The following STKLD1 variants were observed in gnomAD, a reference collection of about 807,000 sequenced individuals.
STKLD1 encodes serine/threonine kinase like domain containing 1.
STKLD1 carries 79 observed loss-of-function variants against 80.4 expected under a neutral mutation model. The ratio of observed to expected loss-of-function variants is 0.98; its 90% CI spans 0.82 to 1.19. The LOEUF (loss-of-function observed/expected upper bound fraction) is 1.19, where lower values mean the gene tolerates loss of function less well. STKLD1 is among the 50% of genes most tolerant of loss of function. The probability of loss-of-function intolerance (pLI) is 0.00; values close to 1 mark genes in which losing one functional copy is unlikely to be tolerated. For missense variants in STKLD1, 841 were observed against 856.0 expected (o/e 0.98, Z 0.22); for synonymous variants, 393 against 357.6 (o/e 1.10, Z -1.12).
rs2130249494 is a variant in STKLD1, at chr9:133,376,565, C to G, written c.87+5C>G. On this transcript the variant is annotated splice_donor_5th_base_variant and intron_variant, in intron 1 of 17. Transcript: ENST00000371957. Reference sequence around the variant, plus strand: ...GAGCCCATGGAGAAGTACCAGGTGCCGAGTGTTCCCTGCGGGGAGGCGGGA... The same window carrying G: ...GAGCCCATGGAGAAGTACCAGGTGCGGAGTGTTCCCTGCGGGGAGGCGGGA... The G allele has an allele frequency of 2.4e-4, 380 of 1,589,484 alleles. 2 individuals carry two copies. The African/African-American group carries it at 3.2e-3, about 13-fold the overall frequency.
In STKLD1 at chr9:133,395,695, T is replaced by C. The variant is rs1838541735; in HGVS notation, c.798T>C (p.Asp266=). The C allele has an allele frequency of 1.2e-6, 2 of 1,613,516 alleles. No homozygotes were observed. Among genetic ancestry groups the C allele is most frequent in the East Asian group, 4.5e-5 (2 of 44,892 alleles). The part of the protein sequence containing the change: ...LKTMEEKQIP[D]VETFRNLLPL... ...CAATGGAGGAGAAGCAGATCCCGGA[T>C]GTGGAAACCTTCAGGAATCTTCTGC... The change falls in exon 9 of 18, where the codon GAT becomes GAC. Residue 266 remains aspartate (D), a synonymous_variant. Coordinates refer to ENST00000371957, the MANE Select transcript of STKLD1 (RefSeq NM_153710.5).
At position 133,404,868 on chromosome 9, in the gene STKLD1, C is replaced by A. The variant is rs2130694127; in HGVS notation, c.1812C>A (p.His604Gln). The A allele has an allele frequency of 6.2e-7, 1 of 1,613,284 alleles. No individual in the cohort carries two copies. The highest frequency in any genetic ancestry group is 2.2e-5 in the East Asian group (1 of 44,858). ...LSLIKETYQL[H>Q]RDDPEVVENV... ...TCATCAAGGAGACCTACCAGCTCCA[C>A]AGGGACGACCCGGAGGTGGTGGAGA... Residue 604 changes from histidine (H) to glutamine (Q), a missense_variant, in exon 17 of 18, where the codon CAC (histidine) becomes CAA (glutamine). Physicochemically the swap from His to Gln is conservative, Grantham distance 24. Coordinates refer to ENST00000371957, the MANE Select transcript of STKLD1 (RefSeq NM_153710.5).
At position 133,403,792 on chromosome 9, in the gene STKLD1, G is replaced by A. The variant is rs1554778159; in HGVS notation, c.1567G>A (p.Ala523Thr). The A allele has an allele frequency of 1.2e-6, 2 of 1,613,666 alleles. No homozygotes were observed. Among genetic ancestry groups the A allele is most frequent in the Non-Finnish European group, 1.7e-6 (2 of 1,179,956 alleles). The change falls in exon 15 of 18, where the codon GCC (alanine) becomes ACC (threonine). Residue 523 changes from alanine to threonine, a missense_variant. Transcript: ENST00000371957. The stretch of plus-strand genomic sequence containing the variant: ...CCCTGCGGATGGGGAAATGGCAGAA[G>A]CCAGCTGCGGAGTCTTCTGGCTGCT... ...TYPADGEMAE[A>T]SCGVFWLLSL...
intron 13 of STKLD1, among the ~76,000 whole-genome samples, chr9:133,402,545 G>A (rs1838734765): frequency 6.6e-6 from 1 of 152,260 alleles, no homozygotes; most frequent in Non-Finnish European, 1.5e-5. Context: ...TACCGGGATA[G>A]GGCCCCGTCA....
chr9:133,392,323 T>G (rs1838419160), intron 7 of STKLD1, among the ~76,000 whole-genome samples: 1 of 151,964 alleles, frequency 6.6e-6, no homozygotes, highest in South Asian at 2.1e-4. Context: ...CACCTTGGCC[T>G]CCCAAAGTGC....
At chr9:133,386,931 G>T (rs183194829) in intron 4 of STKLD1, among the ~76,000 whole-genome samples, 1 of 152,338 alleles carries the variant, frequency 6.6e-6, no homozygotes, top group East Asian at 1.9e-4. Flanking sequence ...TTGGGGAGGG[G>T]ACCTCACTGC....
intron 16 of STKLD1, 105 bp from the exon 17 acceptor site, chr9:133,404,684 T>C: frequency 1.3e-6 from 2 of 1,485,696 alleles, no homozygotes; most frequent in Middle Eastern, 2.3e-4. Flanking sequence ...TCTTGTCCTG[T>C]CCCAGGCCCC....
chr9:133,392,331 T>C (rs1838419284), intron 7 of STKLD1, among the ~76,000 whole-genome samples: 2 of 151,962 alleles, frequency 1.3e-5, no homozygotes, highest in South Asian at 4.1e-4. Flanking sequence ...CCTCCCAAAG[T>C]GCTGGGATTA....
At chr9:133,392,213 A>G (rs1838416026) in intron 7 of STKLD1, among the ~76,000 whole-genome samples, 1 of 151,578 alleles carries the variant, frequency 6.6e-6, no homozygotes, top group South Asian at 2.1e-4. Flanking sequence ...AGTAGCTGGG[A>G]CTACAGGCGC....
At position 133,399,252 on chromosome 9, in the gene STKLD1, A is replaced by AT. The variant is rs587594872; in HGVS notation, c.1082-1161_1082-1160insT. The stretch of plus-strand genomic sequence containing the variant: ...ATTACCTTCACATATCCATCCATCC[A>AT]CCCATCCACCCATCCATCCGTCTGT... On this transcript the variant is annotated intron_variant, in intron 11 of 17. Transcript: ENST00000371957. 3.4e-3 allele frequency among the ~76,000 whole-genome samples: 524 copies of AT among 152,036 alleles called. 1 individual carries two copies. Among genetic ancestry groups the AT allele is most frequent in the Non-Finnish European group, 5.0e-3 (343 of 67,968 alleles).
chr9:133,379,220 G>A (rs1040481508), intron 2 of STKLD1, 98 bp downstream of exon 2: 29 of 1,040,348 alleles, frequency 2.8e-5, no homozygotes, highest in Middle Eastern at 3.0e-4. Flanking sequence ...TTCCTGATGC[G>A]GCAGCTGGAT....
rs965784980 is a variant in STKLD1 at position 133,398,024 on chromosome 9, G to A, written c.1050G>A (p.Lys350=). The part of the protein sequence containing the change: ...GWPEVQLRAM[K]RLLKMPADQL... ...CCGAAGTCCAGCTCAGGGCCATGAA[G>A]AGGCTTCTGAAAATGCCTGCAGATC... Residue 350 remains lysine (K), a synonymous_variant, in exon 11 of 18, where the codon AAG becomes AAA. Coordinates refer to ENST00000371957, the MANE Select transcript of STKLD1 (RefSeq NM_153710.5). The A allele has an allele frequency of 6.2e-7, 1 of 1,613,700 alleles. No individual in the cohort carries two copies. The highest frequency in any genetic ancestry group is 1.3e-5 in the African/African-American group (1 of 75,044).
rs2130282852 is a variant in STKLD1 at position 133,388,778 on chromosome 9, T to A, written c.397-748T>A. ...TGCTACCTGCTTTTACCCTGAGAAC[T>A]GTGTTTGGGGGGACCATGTACCCCT... On this transcript the variant is annotated intron_variant, in intron 5 of 17. Transcript: ENST00000371957. 15 of 985,420 alleles carry A rather than the reference T, an allele frequency of 1.5e-5. No individual in the cohort carries two copies. In the African/African-American group the frequency reaches 2.6e-4, roughly 17 times the overall value. The allele number at this position is 985,420 out of a possible 1,614,324, so 61.0% of individuals were successfully genotyped here. A position where few individuals can be genotyped will look rare whatever the true frequency, so the allele number is the denominator to read the frequency against.
rs1393569410 is a variant in STKLD1 at position 133,389,471 on chromosome 9, CT to C, written c.397-54del. The C allele has an allele frequency of 6.3e-7, 1 of 1,598,044 alleles. No homozygotes were observed. The highest frequency in any genetic ancestry group is 8.5e-7 in the Non-Finnish European group (1 of 1,172,768). On this transcript the variant is annotated intron_variant, in intron 5 of 17. Transcript: ENST00000371957. The surrounding 1 kb of genome is among the most constrained non-coding windows in gnomAD (Gnocchi z 6.4). The stretch of plus-strand genomic sequence containing the variant: ...GCTGGCTGCTCTGAGTGTCACCCCC[CT>C]GAAAGCAGCACAGGGTGCCCCTCCC...
chr9:133,376,687 C>G (rs1461860884), intron 1 of STKLD1, 127 bp downstream of exon 1: 2 of 793,796 alleles, frequency 2.5e-6, no homozygotes, highest in Non-Finnish European at 3.9e-6. Flanking sequence ...CGGCCTGCAG[C>G]TCCTAGGTTG....
intron 8 of STKLD1, among the ~76,000 whole-genome samples, 183 bp from the exon 9 acceptor site, chr9:133,395,417 A>G (rs1838534761): frequency 6.6e-6 from 1 of 151,904 alleles, no homozygotes. Context: ...CTGAAACTCC[A>G]TTTCTTCTTA....
At chr9:133,380,265 G>A (rs990136310) in intron 2 of STKLD1, among the ~76,000 whole-genome samples, 1 of 151,952 alleles carries the variant, frequency 6.6e-6, no homozygotes, top group Non-Finnish European at 1.5e-5. Flanking sequence ...CGAACTCCTG[G>A]AACTCCTGAG....
intron 11 of STKLD1, 43 bp from the exon 12 acceptor site, chr9:133,400,370 T>A (rs1202906717): frequency 2.0e-6 from 3 of 1,509,990 alleles, no homozygotes; most frequent in East Asian, 4.5e-5. Flanking sequence ...ATGCCCCCGA[T>A]CTGGCCCAAA....
chr9:133,404,708 G>T, intron 16 of STKLD1, 81 bp from the exon 17 acceptor site: 1 of 1,539,130 alleles, frequency 6.5e-7, no homozygotes. Context: ...GTGAGCTCTG[G>T]GGTCCCATCC....
Sources: allele counts gnomAD v4.1 joint callset (sites outside exome capture counted in the v4.1 genomes callset), GRCh38; gene constraint gnomAD v4.1.1; non-coding constraint Gnocchi (gnomAD v3.1); transcripts MANE v1.5; gene names NCBI Gene and HGNC (gene_info 2026-07-23, HGNC 2026-07-21).